Variants in ADAMTS16 observed in about 807,000 individuals in gnomAD.
ADAMTS16 encodes ADAM metallopeptidase with thrombospondin type 1 motif 16.
A neutral mutation model predicts 145.8 loss-of-function variants in ADAMTS16; 94 were observed. The ratio of observed to expected loss-of-function variants is 0.64; its 90% CI spans 0.55 to 0.77. ADAMTS16 has a LOEUF of 0.77. Ranked by LOEUF, ADAMTS16 falls within the 30% of genes least tolerant of loss-of-function variation. The pLI is 0.00. For missense variants in ADAMTS16, 1,585 were observed against 1,591.5 expected (o/e 1.00, Z 0.07); for synonymous variants, 659 against 604.3 (o/e 1.09, Z -1.33).
intron 13 of ADAMTS16, 82 bp downstream of exon 13, chr5:5,235,268 G>A: frequency 7.5e-7 from 1 of 1,336,834 alleles, no homozygotes; most frequent in Non-Finnish European, 9.8e-7. Context: ...TGAGAGTGTG[G>A]TGCACAAATA....
chr5:5,201,593 C>T (rs142115968), intron 9 of ADAMTS16, among the ~76,000 whole-genome samples: 13 of 151,878 alleles, frequency 8.6e-5, no homozygotes, highest in Admixed American at 6.6e-4. Context: ...AAAAACTACA[C>T]ATATTTAACG....
chr5:5,156,035 T>C (rs1408984420), intron 3 of ADAMTS16, among the ~76,000 whole-genome samples: 1 of 152,134 alleles, frequency 6.6e-6, no homozygotes, highest in African/African-American at 2.4e-5. Flanking sequence ...AAGTGAGGCG[T>C]AGACAGTCCG....
intron 18 of ADAMTS16, among the ~76,000 whole-genome samples, chr5:5,263,826 G>T (rs62338234): frequency 6.6e-6 from 1 of 152,184 alleles, no homozygotes; most frequent in African/African-American, 2.4e-5. Context: ...CTCCACCAGC[G>T]GGGGCAAAGG....
intron 4 of ADAMTS16, among the ~76,000 whole-genome samples, chr5:5,184,989 C>G (rs1309996086): frequency 1.3e-5 from 2 of 152,194 alleles, no homozygotes; most frequent in African/African-American, 2.4e-5. Flanking sequence ...TAATGTTCCT[C>G]TCCTCTGCCT....
At chr5:5,223,915 A>G (rs1736679342) in intron 11 of ADAMTS16, among the ~76,000 whole-genome samples, 1 of 151,690 alleles carries the variant, frequency 6.6e-6, no homozygotes, top group Admixed American at 6.6e-5. Flanking sequence ...TTGATCTAGT[A>G]TGGTGTTTGA....
Position 5,214,553 on chromosome 5 carries a change from C to A in ADAMTS16, c.1605+5307C>A, listed in dbSNP as rs533707479. Among the ~76,000 whole-genome samples the A allele has an allele frequency of 2.0e-5, 3 of 152,224 alleles. No homozygotes were observed. In the East Asian group the frequency reaches 5.8e-4, roughly 29 times the overall value. On this transcript the variant is annotated intron_variant, in intron 10 of 22. Transcript: ENST00000274181. ...GAGTAGCTAGGGTTACAGGTGCATG[C>A]CACCATGCCTGGCTAATTTTTTGTA... is the stretch of plus-strand genomic sequence containing the variant.
chr5:5,170,664 C>G (rs1735019982), intron 3 of ADAMTS16, among the ~76,000 whole-genome samples: 1 of 152,174 alleles, frequency 6.6e-6, no homozygotes, highest in African/African-American at 2.4e-5. Flanking sequence ...AAGCGTGAGC[C>G]ACCACACCCA....
chr5:5,215,767 G>A (rs1213064361), intron 10 of ADAMTS16, among the ~76,000 whole-genome samples: 3 of 139,790 alleles, frequency 2.1e-5, no homozygotes, highest in African/African-American at 8.2e-5. Flanking sequence ...ATATGTATGT[G>A]GTATATATAT....
chr5:5,166,114 T>C (rs565434877), intron 3 of ADAMTS16, among the ~76,000 whole-genome samples: 3 of 152,202 alleles, frequency 2.0e-5, no homozygotes, highest in Non-Finnish European at 4.4e-5. Flanking sequence ...ATCTCTTTTT[T>C]TGCCATCTTT....
chr5:5,249,526 C>T (rs1040135500), intron 17 of ADAMTS16, among the ~76,000 whole-genome samples: 1 of 151,976 alleles, frequency 6.6e-6, no homozygotes, highest in African/African-American at 2.4e-5. Flanking sequence ...GGTATAGGAA[C>T]CAGAGTGAAT....
At chr5:5,226,486 G>A (rs377408281) in intron 11 of ADAMTS16, among the ~76,000 whole-genome samples, 68 of 152,266 alleles carry the variant, frequency 4.5e-4, no homozygotes, top group African/African-American at 1.5e-3. Context: ...GGAACTGTGG[G>A]AGCTACATTT....
chr5:5,237,169 A>C (rs1737133738), intron 14 of ADAMTS16, 70 bp downstream of exon 14: 1 of 1,522,594 alleles, frequency 6.6e-7, no homozygotes, highest in Non-Finnish European at 8.9e-7. Context: ...CATCCTGTAG[A>C]GGCTAGAAAG....
rs1185204420 is a variant in ADAMTS16 at position 5,208,946 on chromosome 5, T to C, written c.1452-147T>C. ...TTAAATATAATTAAGATAAGTATTA[T>C]ATTGTAACTCAGGAGAAAAAAAGTT... On this transcript the variant is annotated intron_variant, in intron 9 of 22. Coordinates refer to ENST00000274181, the MANE Select transcript of ADAMTS16 (RefSeq NM_139056.4). 3 of 721,256 alleles carry C rather than the reference T, an allele frequency of 4.2e-6. 1 individual carries two copies. Among genetic ancestry groups the C allele is most frequent in the South Asian group, 5.2e-5 (2 of 38,688 alleles). 44.7% of individuals were successfully genotyped at this position (721,256 alleles called of 1,614,324 possible).
At chr5:5,211,594 T>C (rs957777973) in intron 10 of ADAMTS16, among the ~76,000 whole-genome samples, 39 of 152,142 alleles carry the variant, frequency 2.6e-4, no homozygotes, top group Non-Finnish European at 4.6e-4. Context: ...CCAAGGCTAG[T>C]ATGCCTGTCT....
intron 3 of ADAMTS16, among the ~76,000 whole-genome samples, chr5:5,147,621 G>A (rs780544637): frequency 6.6e-6 from 1 of 152,174 alleles, no homozygotes; most frequent in Non-Finnish European, 1.5e-5. Context: ...CAGGGATAGG[G>A]TGGTGGTTAT....
At chr5:5,150,783 GA>G (rs1734432143) in intron 3 of ADAMTS16, among the ~76,000 whole-genome samples, 1 of 152,194 alleles carries the variant, frequency 6.6e-6, no homozygotes, top group African/African-American at 2.4e-5. Flanking sequence ...TGCATAGGTT[GA>G]CAGTTTTTTG....
At chr5:5,180,071 G>A (rs1735297692) in intron 3 of ADAMTS16, among the ~76,000 whole-genome samples, 1 of 152,124 alleles carries the variant, frequency 6.6e-6, no homozygotes, top group South Asian at 2.1e-4. Flanking sequence ...CCAGCCCCAT[G>A]CAGGGCTTCA....
At position 5,191,810 on chromosome 5, in the gene ADAMTS16, A is replaced by C. The variant is rs762385284; in HGVS notation, c.1313+20A>C. The C allele has an allele frequency of 6.4e-7, 1 of 1,573,268 alleles. No individual in the cohort carries two copies. The highest frequency in any genetic ancestry group is 1.8e-5 in the Admixed American group (1 of 54,360). On this transcript the variant is annotated intron_variant, in intron 8 of 22. Transcript: ENST00000274181. The stretch of plus-strand genomic sequence containing the variant: ...ACACAAGTAAGTGCATCTCCATGGG[A>C]GGATGGCATCCCGAGTTTTTTCCTT...
At chr5:5,313,838 C>T (rs57200184) in intron 21 of ADAMTS16, among the ~76,000 whole-genome samples, 1,633 of 152,338 alleles carry the variant, frequency 0.011, 29 homozygotes, top group African/African-American at 0.037. Context: ...GCTGGGTGAA[C>T]GCTGCGCAGT....
Sources: gnomAD v4.1 joint callset for allele counts (sites outside exome capture counted in the v4.1 genomes callset) on GRCh38, gnomAD v4.1.1 for gene constraint, MANE v1.5 for transcripts, NCBI Gene and HGNC (gene_info 2026-07-23, HGNC 2026-07-21) for gene names.